The following RAB40C variants were observed in gnomAD, a reference collection of about 807,000 sequenced individuals.
The protein encoded by RAB40C is ras-related protein Rab-40C.
In RAB40C, 8 loss-of-function variants were observed where a neutral mutation model predicts 28.1. The observed-to-expected ratio is 0.28, with a 90% CI of 0.17 to 0.51. The LOEUF is 0.51. Among genes scored for constraint, RAB40C ranks in the 20% least tolerant of loss-of-function variants. The probability of loss-of-function intolerance (pLI) is 0.97; values close to 1 mark genes in which losing one functional copy is unlikely to be tolerated. For synonymous variants in RAB40C, 201 were observed against 171.7 expected (o/e 1.17, Z -1.34); for missense variants, 288 against 405.9 (o/e 0.71, Z 2.50).
At chr16:593,563 T>A (rs1448396561) in intron 1 of RAB40C, among the ~76,000 whole-genome samples, 1 of 152,244 alleles carries the variant, frequency 6.6e-6, no homozygotes, top group Non-Finnish European at 1.5e-5. Flanking sequence ...ACCGGATCGC[T>A]TACCTGCCTG....
intron 1 of RAB40C, among the ~76,000 whole-genome samples, chr16:596,651 G>T (rs2036131760): frequency 6.6e-6 from 1 of 152,248 alleles, no homozygotes; most frequent in Admixed American, 6.5e-5. Context: ...GGAGAAGGAT[G>T]TGCAGACTGT....
chr16:608,725 T>G (rs1476318712), intron 1 of RAB40C, among the ~76,000 whole-genome samples: 1 of 151,950 alleles, frequency 6.6e-6, no homozygotes, highest in Non-Finnish European at 1.5e-5. Context: ...CAAAAAAAAT[T>G]AGCTGGGCAT....
intron 2 of RAB40C, among the ~76,000 whole-genome samples, chr16:617,808 A>T (rs1260661055): frequency 6.6e-6 from 1 of 151,802 alleles, no homozygotes; most frequent in Non-Finnish European, 1.5e-5. Context: ...GCACCACTGC[A>T]CTCCAGCCTG....
rs769170804 is a variant in RAB40C, at chr16:627,448, C to T, written c.672C>T (p.Ser224=). 14 of 1,613,950 alleles carry T rather than the reference C, an allele frequency of 8.7e-6. No homozygotes were observed. In the Admixed American group the frequency reaches 1.0e-4, roughly 12 times the overall value. The change falls in exon 6 of 6, where the codon TCC becomes TCT. Residue 224 remains serine (S), a synonymous_variant. Coordinates refer to ENST00000248139, the MANE Select transcript of RAB40C (RefSeq NM_021168.5). ...TCACCATCAAGAGCCACCTCAAGTCCTTCTCGATGGCCAACGGCATGAACG... is the reference window on the plus strand; with the variant it reads ...TCACCATCAAGAGCCACCTCAAGTCTTTCTCGATGGCCAACGGCATGAACG... ...LPVTIKSHLK[S]FSMANGMNAV... is the part of the protein sequence containing the mutation.
At chr16:591,694 C>T (rs200311389) in intron 1 of RAB40C, among the ~76,000 whole-genome samples, 2 of 151,658 alleles carry the variant, frequency 1.3e-5, no homozygotes, top group Non-Finnish European at 2.9e-5. Context: ...TGGGTTCAAG[C>T]GATTCCCCTG....
In RAB40C at chr16:590,227, C is replaced by T. The variant is rs1206701867; in HGVS notation, c.-65C>T. 8.0e-7 allele frequency: 1 copy of T among 1,253,138 alleles called. No homozygotes were observed. Among genetic ancestry groups the T allele is most frequent in the Non-Finnish European group, 1.0e-6 (1 of 992,132 alleles). The allele number at this position is 1,253,138 out of a possible 1,614,324, so 77.6% of individuals were successfully genotyped here. A position where few individuals can be genotyped will look rare whatever the true frequency, so the allele number is the denominator to read the frequency against. On this transcript the variant is annotated 5_prime_UTR_variant, in exon 1 of 6. Transcript: ENST00000248139. ...CGCAGGTGCGGGGCGCGGGCTCTCT[C>T]ACGCCGCGGCCTCACCCGGCGGTGC...
At chr16:589,808 T>A (rs2035948858), upstream of RAB40C, 1 of 150,246 alleles carries the variant, frequency 6.7e-6, no homozygotes, top group Non-Finnish European at 1.5e-5. Flanking sequence ...CGCAACGCCG[T>A]GTGGGAAAGG....
At chr16:596,447 T>C (rs1333357262) in intron 1 of RAB40C, 19 of 405,640 alleles carry the variant, frequency 4.7e-5, no homozygotes. Flanking sequence ...GCGCAGCACA[T>C]GGTACGATGC....
At chr16:602,436 A>G (rs1359184192) in intron 1 of RAB40C, among the ~76,000 whole-genome samples, 1 of 151,436 alleles carries the variant, frequency 6.6e-6, no homozygotes, top group East Asian at 1.9e-4. Context: ...TTAATAAATT[A>G]TTTTTTTATT....
chr16:626,201 G>C, intron 5 of RAB40C, 80 bp downstream of exon 5: 1 of 1,395,916 alleles, frequency 7.2e-7, no homozygotes, highest in East Asian at 2.3e-5. Context: ...GGGGGGCCAG[G>C]GGCCAGTGAG....
intron 3 of RAB40C, among the ~76,000 whole-genome samples, chr16:622,654 C>T (rs1040255499): frequency 1.1e-4 from 16 of 152,162 alleles, no homozygotes; most frequent in African/African-American, 3.9e-4. Flanking sequence ...ACTAGGTGTG[C>T]ACCACCGCGT....
chr16:592,641 C>T (rs2036027306), intron 1 of RAB40C, among the ~76,000 whole-genome samples: 1 of 152,266 alleles, frequency 6.6e-6, no homozygotes, highest in African/African-American at 2.4e-5. Context: ...CCTTCTAAAG[C>T]TTGGCTCCAG....
intron 1 of RAB40C, among the ~76,000 whole-genome samples, chr16:590,855 G>A (rs1335987755): frequency 6.6e-6 from 1 of 151,370 alleles, no homozygotes; most frequent in African/African-American, 2.4e-5. Flanking sequence ...CTCGGGGGAA[G>A]GTGTCGTGGG....
At chr16:616,151 C>T (rs57189673) in intron 1 of RAB40C, among the ~76,000 whole-genome samples, 1 of 149,878 alleles carries the variant, frequency 6.7e-6, no homozygotes, top group Non-Finnish European at 1.5e-5. Context: ...AGCTACTCAG[C>T]AGGCTGAGGC....
intron 1 of RAB40C, among the ~76,000 whole-genome samples, chr16:591,156 G>C (rs1288899607): frequency 6.7e-6 from 1 of 149,618 alleles, no homozygotes; most frequent in African/African-American, 2.5e-5. Flanking sequence ...AAGGTGTCAT[G>C]GGTCTGGGAT....
At chr16:614,845 C>T (rs1254886337) in intron 1 of RAB40C, among the ~76,000 whole-genome samples, 1 of 151,964 alleles carries the variant, frequency 6.6e-6, no homozygotes, top group Non-Finnish European at 1.5e-5. Context: ...TGGTGAACTG[C>T]TAACTCAGCC....
chr16:597,238 G>A (rs978048373), intron 1 of RAB40C, among the ~76,000 whole-genome samples: 3 of 152,120 alleles, frequency 2.0e-5, no homozygotes, highest in East Asian at 3.9e-4. Flanking sequence ...TTGGTGCTGG[G>A]GGGCCTGGAG....
At chr16:592,509 G>A (rs2036024031) in intron 1 of RAB40C, among the ~76,000 whole-genome samples, 1 of 152,200 alleles carries the variant, frequency 6.6e-6, no homozygotes, top group East Asian at 1.9e-4. Context: ...GGCATTGGGG[G>A]CTCACACGTT....
chr16:608,064 C>A (rs2036401406), intron 1 of RAB40C, among the ~76,000 whole-genome samples: 1 of 152,126 alleles, frequency 6.6e-6, no homozygotes, highest in Non-Finnish European at 1.5e-5. Flanking sequence ...TGTTCTCACG[C>A]TGCTAGGAAG....
Sources: gnomAD v4.1 joint callset for allele counts (sites outside exome capture counted in the v4.1 genomes callset) on GRCh38, gnomAD v4.1.1 for gene constraint, MANE v1.5 for transcripts, NCBI Gene and HGNC (gene_info 2026-07-23, HGNC 2026-07-21) for gene names.